Variants in TTLL9 observed in about 807,000 individuals in gnomAD.
TTLL9 encodes the protein probable tubulin polyglutamylase TTLL9.
In TTLL9, 47 loss-of-function variants were observed where a neutral mutation model predicts 65.6. The observed-to-expected ratio is 0.72, with a 90% CI of 0.57 to 0.91. The LOEUF is 0.91. TTLL9 is among the 40% of genes least tolerant of loss of function. The pLI is 0.00. For missense variants in TTLL9, 537 were observed against 568.8 expected, an observed-to-expected ratio of 0.94 and a Z score of 0.57; for synonymous variants, 179 against 204.8, an observed-to-expected ratio of 0.87 and a Z score of 1.07.
At chr20:31,942,611 T>G (rs2064230125) in intron 14 of TTLL9, among the ~76,000 whole-genome samples, 1 of 152,192 alleles carries the variant, frequency 6.6e-6, no homozygotes, top group Admixed American at 6.5e-5. Flanking sequence ...CTGTTTTCCC[T>G]TCTACACATC....
At chr20:31,906,842 G>T (rs556197629) in intron 4 of TTLL9, among the ~76,000 whole-genome samples, 1 of 151,992 alleles carries the variant, frequency 6.6e-6, no homozygotes, top group East Asian at 1.9e-4. Flanking sequence ...TAGAAATGGG[G>T]TTTCACCATG....
intron 10 of TTLL9, among the ~76,000 whole-genome samples, chr20:31,927,478 C>G (rs1372124914): frequency 1.5e-5 from 1 of 64,736 alleles, no homozygotes; most frequent in African/African-American, 6.3e-5. Flanking sequence ...AAGACTCTGT[C>G]TCAAAAAAAA....
intron 2 of TTLL9, chr20:31,879,832 C>T: frequency 1.3e-6 from 2 of 1,549,534 alleles, no homozygotes; most frequent in Non-Finnish European, 8.7e-7. Context: ...GACGCATAAG[C>T]ACGCGAGGCG....
chr20:31,920,104 T>G (rs1048166450), intron 7 of TTLL9, among the ~76,000 whole-genome samples, 172 bp downstream of exon 7: 1 of 152,156 alleles, frequency 6.6e-6, no homozygotes, highest in African/African-American at 2.4e-5. Context: ...CAAATCCTGA[T>G]CTTGCCACTC....
Position 31,870,639 on chromosome 20 carries a change from G to T in TTLL9, c.-316G>T. On this transcript the variant is annotated 5_prime_UTR_variant, in exon 1 of 15. Transcript: ENST00000535842. The surrounding 1 kb of genome is among the most constrained non-coding windows in gnomAD (Gnocchi z 6.6). ...GGGGGGCCGGACAAAGCCCCAGTGT[G>T]CCGGGCCCACGGCCCGCGGGACAAC... The T allele has an allele frequency of 7.6e-7, 1 of 1,308,556 alleles. No individual in the cohort carries two copies. The highest frequency in any genetic ancestry group is 2.9e-5 in the East Asian group (1 of 34,182). 81.1% of individuals were successfully genotyped at this position (1,308,556 alleles called of 1,614,324 possible).
intron 3 of TTLL9, among the ~76,000 whole-genome samples, chr20:31,891,514 A>G (rs1225021045): frequency 7.5e-6 from 1 of 133,864 alleles, no homozygotes; most frequent in South Asian, 2.3e-4. Context: ...TTTTTTTCAT[A>G]TTATTTGTAG....
intron 10 of TTLL9, among the ~76,000 whole-genome samples, chr20:31,931,659 T>C (rs2064014789): frequency 6.6e-6 from 1 of 152,256 alleles, no homozygotes; most frequent in Non-Finnish European, 1.5e-5. Flanking sequence ...TGATGACTAA[T>C]TATACTGAGC....
intron 2 of TTLL9, among the ~76,000 whole-genome samples, chr20:31,885,759 T>C (rs1053784669): frequency 2.0e-5 from 3 of 152,180 alleles, no homozygotes; most frequent in African/African-American, 4.8e-5. Flanking sequence ...TACAATTCTC[T>C]CTCCTTGAGC....
At chr20:31,896,821 T>C (rs2063395049) in intron 3 of TTLL9, among the ~76,000 whole-genome samples, 1 of 152,232 alleles carries the variant, frequency 6.6e-6, no homozygotes, top group Admixed American at 6.5e-5. Context: ...TGAGACACCA[T>C]GCCTGGCTCA....
chr20:31,923,572 T>A (rs907863853), intron 8 of TTLL9, among the ~76,000 whole-genome samples: 5 of 152,124 alleles, frequency 3.3e-5, no homozygotes, highest in African/African-American at 1.2e-4. Flanking sequence ...TGGGTAGATT[T>A]GGAGGGAGAG....
At chr20:31,881,351 C>A (rs2063115601) in intron 2 of TTLL9, among the ~76,000 whole-genome samples, 1 of 152,228 alleles carries the variant, frequency 6.6e-6, no homozygotes, top group Admixed American at 6.5e-5. Flanking sequence ...CTCAGCAGAG[C>A]TGACTACAGT....
Position 31,944,371 on chromosome 20 carries a change from A to C in TTLL9, c.*1350A>C, listed in dbSNP as rs2064279241. On this transcript the variant is annotated 3_prime_UTR_variant, in exon 15 of 15. Transcript: ENST00000535842. Reference sequence around the variant, plus strand: ...TTCTGCAACTCCCTACTTTATTTACATTTTAAAATAAGCAATATATTCATA... The same window carrying C: ...TTCTGCAACTCCCTACTTTATTTACCTTTTAAAATAAGCAATATATTCATA... 6.4e-6 allele frequency: 1 copy of C among 156,084 alleles called. No homozygotes were observed. The highest frequency in any genetic ancestry group is 1.4e-5 in the Non-Finnish European group (1 of 70,160). 9.7% of individuals were successfully genotyped at this position (156,084 alleles called of 1,614,324 possible).
chr20:31,904,915 G>A (rs1051256571), intron 4 of TTLL9, among the ~76,000 whole-genome samples: 4 of 152,156 alleles, frequency 2.6e-5, no homozygotes, highest in African/African-American at 7.2e-5. Flanking sequence ...GCCAGTGCCT[G>A]TGTTGACTCC....
intron 2 of TTLL9, chr20:31,879,732 C>A (rs2063082715): frequency 1.6e-5 from 21 of 1,351,016 alleles, no homozygotes; most frequent in Non-Finnish European, 2.0e-5. Context: ...TTCTGGTGGA[C>A]CAGAGCCTGC....
chr20:31,934,559 A>G, intron 11 of TTLL9, 133 bp from the exon 12 acceptor site: 1 of 832,614 alleles, frequency 1.2e-6, no homozygotes, highest in Non-Finnish European at 1.9e-6. Context: ...GGTCATCCTA[A>G]TTACAGGGCT....
chr20:31,908,878 C>T (rs1179547366), intron 5 of TTLL9, among the ~76,000 whole-genome samples, 176 bp downstream of exon 5: 3 of 152,096 alleles, frequency 2.0e-5, no homozygotes, highest in Admixed American at 6.6e-5. Context: ...TATAGGGATC[C>T]AAGGCCTGAG....
chr20:31,883,859 A>G (rs1381365333), intron 2 of TTLL9, among the ~76,000 whole-genome samples: 4 of 152,208 alleles, frequency 2.6e-5, no homozygotes, highest in African/African-American at 9.6e-5. Flanking sequence ...TAGAGAATGC[A>G]TTCCTCTTGT....
At chr20:31,901,098 C>T (rs2063471457) in intron 4 of TTLL9, among the ~76,000 whole-genome samples, 2 of 152,226 alleles carry the variant, frequency 1.3e-5, no homozygotes, top group African/African-American at 4.8e-5. Flanking sequence ...TCAGTTCAGA[C>T]TGCCAACCCA....
rs1276018268 is a variant in TTLL9 at position 31,944,023 on chromosome 20, T to A, written c.*1002T>A. ...CTGCAAATGGTTGAATCTGCCTGCCTAGGTCAAGCCCGAAGGGAAGACTTT... is the reference window on the plus strand; with the variant it reads ...CTGCAAATGGTTGAATCTGCCTGCCAAGGTCAAGCCCGAAGGGAAGACTTT... On this transcript the variant is annotated 3_prime_UTR_variant, in exon 15 of 15. Coordinates refer to ENST00000535842, the MANE Select transcript of TTLL9 (RefSeq NM_001008409.5). 3 of 346,564 alleles carry A rather than the reference T, an allele frequency of 8.7e-6. No individual in the cohort carries two copies. The Admixed American group carries it at 1.1e-4, about 13-fold the overall frequency. The allele number at this position is 346,564 out of a possible 1,614,324, so 21.5% of individuals were successfully genotyped here.
Sources: gnomAD v4.1 joint callset for allele counts (sites outside exome capture counted in the v4.1 genomes callset) on GRCh38, gnomAD v4.1.1 for gene constraint, Gnocchi (gnomAD v3.1) non-coding constraint, MANE v1.5 for transcripts, NCBI Gene and HGNC (gene_info 2026-07-23, HGNC 2026-07-21) for gene names.